RALYL: variants seen among roughly 807,000 people sequenced by gnomAD.
RALYL encodes RNA-binding Raly-like protein.
RALYL carries 29 observed loss-of-function variants against 35.1 expected under a neutral mutation model. The observed-to-expected ratio is 0.83, with a 90% CI of 0.61 to 1.13. The LOEUF is 1.13. Ranked by LOEUF, RALYL falls within the 50% of genes most tolerant of loss-of-function variation. The pLI, the probability that RALYL is intolerant of heterozygous loss-of-function variation, is 0.00. For missense variants in RALYL, 359 were observed against 360.4 expected (o/e 1.00, Z 0.03); for synonymous variants, 120 against 127.6 (o/e 0.94, Z 0.40).
At chr8:84,738,034 T>A (rs1021817392) in intron 2 of RALYL, among the ~76,000 whole-genome samples, 1 of 152,038 alleles carries the variant, frequency 6.6e-6, no homozygotes, top group Admixed American at 6.6e-5. Flanking sequence ...TGTGATCGAA[T>A]TAGGTGTGAT....
At chr8:84,300,182 A>C (rs1283497914) in intron 1 of RALYL, among the ~76,000 whole-genome samples, 1 of 151,954 alleles carries the variant, frequency 6.6e-6, no homozygotes, top group African/African-American at 2.4e-5. Flanking sequence ...TTCTGCCTTA[A>C]TTTTATTATT....
At chr8:84,792,503 G>A (rs1219687207) in intron 3 of RALYL, among the ~76,000 whole-genome samples, 1 of 152,164 alleles carries the variant, frequency 6.6e-6, no homozygotes, top group Non-Finnish European at 1.5e-5. Context: ...GTACAGGATA[G>A]GGGGCGTTGC....
rs531468206 is a variant in RALYL, at chr8:84,198,178, A to G, written c.-24+13754A>G. 3.3e-5 allele frequency among the ~76,000 whole-genome samples: 5 copies of G among 152,342 alleles called. 1 individual carries two copies. Among genetic ancestry groups the G allele is most frequent in the South Asian group, 4.1e-4 (2 of 4,828 alleles). On this transcript the variant is annotated intron_variant, in intron 1 of 8. Coordinates refer to ENST00000521268, the MANE Select transcript of RALYL (RefSeq NM_173848.7). ...TCTCTAAAAATGTGAAAAGGAAAAC[A>G]TAATTTCTCCAGCATGAAGGAGAAA... is the stretch of plus-strand genomic sequence containing the variant.
chr8:84,218,553 T>C (rs560947667), intron 1 of RALYL, among the ~76,000 whole-genome samples: 2 of 152,164 alleles, frequency 1.3e-5, no homozygotes, highest in African/African-American at 4.8e-5. Flanking sequence ...GCAATATTTT[T>C]TGTAAATAAT....
intron 8 of RALYL, among the ~76,000 whole-genome samples, chr8:84,888,594 GT>G (rs1029514889): frequency 1.3e-5 from 2 of 152,112 alleles, no homozygotes; most frequent in Non-Finnish European, 2.9e-5. Context: ...TCAGGTTCCA[GT>G]TTAATACTGT....
chr8:84,399,960 T>C (rs961845497), intron 1 of RALYL, among the ~76,000 whole-genome samples: 3 of 152,034 alleles, frequency 2.0e-5, no homozygotes, highest in African/African-American at 7.2e-5. Flanking sequence ...CTACTAAAAA[T>C]AGAAAAATTT....
chr8:84,216,213 A>G (rs1302922142), intron 1 of RALYL, among the ~76,000 whole-genome samples: 1 of 152,126 alleles, frequency 6.6e-6, no homozygotes, highest in Non-Finnish European at 1.5e-5. Flanking sequence ...TATTTCTGCT[A>G]TGATGTATAC....
At chr8:84,869,815 A>G (rs1839863333) in intron 6 of RALYL, among the ~76,000 whole-genome samples, 1 of 152,196 alleles carries the variant, frequency 6.6e-6, no homozygotes, top group African/African-American at 2.4e-5. Flanking sequence ...TTTTGGCCAC[A>G]TAAGTCAGAA....
chr8:84,186,154 T>C (rs1482131043), intron 1 of RALYL, among the ~76,000 whole-genome samples: 1 of 152,208 alleles, frequency 6.6e-6, no homozygotes, highest in Non-Finnish European at 1.5e-5. Flanking sequence ...ATAAAGAAGA[T>C]AGTTTATGTC....
chr8:84,744,397 T>A (rs1808116803), intron 2 of RALYL, among the ~76,000 whole-genome samples: 1 of 151,998 alleles, frequency 6.6e-6, no homozygotes, highest in Non-Finnish European at 1.5e-5. Context: ...TGCTGCAGGA[T>A]TGAGCTTGAC....
At position 84,195,220 on chromosome 8, in the gene RALYL, T is replaced by C. The variant is rs527450524; in HGVS notation, c.-24+10796T>C. 8.0e-4 allele frequency among the ~76,000 whole-genome samples: 122 copies of C among 152,228 alleles called. 5 individuals are homozygous for C. The South Asian group carries it at 0.025, about 31-fold the overall frequency. ...TTAGACAATATTTGTCGGGGATCTA[T>C]TATATGTAAGTCACTGTATTTGGGT... On this transcript the variant is annotated intron_variant, in intron 1 of 8. Transcript: ENST00000521268.
chr8:84,556,122 T>C (rs1464431546), intron 2 of RALYL, among the ~76,000 whole-genome samples: 1 of 152,208 alleles, frequency 6.6e-6, no homozygotes, highest in East Asian at 1.9e-4. Flanking sequence ...TCACTTAATG[T>C]GATTAAGGAC....
rs149791131 is a variant in RALYL at position 84,705,685 on chromosome 8, A to G, written c.257-68894A>G. Among the ~76,000 whole-genome samples the G allele has an allele frequency of 3.9e-3, 600 of 152,266 alleles. 6 individuals carry two copies. The highest frequency in any genetic ancestry group is 0.013 in the African/African-American group (551 of 41,540). ...TTTATATTTAGATTTTCAGTTTTGCAATTCTTGCTAAATATATGAATCTAT... is the reference window on the plus strand; with the variant it reads ...TTTATATTTAGATTTTCAGTTTTGCGATTCTTGCTAAATATATGAATCTAT... On this transcript the variant is annotated intron_variant, in intron 2 of 8. Coordinates refer to ENST00000521268, the MANE Select transcript of RALYL (RefSeq NM_173848.7).
chr8:84,748,181 T>G (rs755994459), intron 2 of RALYL, among the ~76,000 whole-genome samples: 23 of 152,104 alleles, frequency 1.5e-4, no homozygotes, highest in Non-Finnish European at 2.5e-4. Context: ...CATATTATTT[T>G]CTCTTTTGAC....
At chr8:84,299,709 G>T (rs1276472251) in intron 1 of RALYL, among the ~76,000 whole-genome samples, 2 of 151,836 alleles carry the variant, frequency 1.3e-5, no homozygotes, top group African/African-American at 4.8e-5. Context: ...TTTGTATATT[G>T]CCAGGAATTA....
rs1829247074 is a variant in RALYL, at chr8:84,653,352, A to T, written c.257-121227A>T. On this transcript the variant is annotated intron_variant, in intron 2 of 8. Transcript: ENST00000521268. ...GAGGATGAGGGCAAAAAGCACCTAC[A>T]TGGCCCATAGAGCTACACATGCAAT... Among the ~76,000 whole-genome samples, 5 of 152,060 alleles carry T rather than the reference A, an allele frequency of 3.3e-5. No individual in the cohort carries two copies. The South Asian group carries it at 1.0e-3, about 32-fold the overall frequency.
intron 2 of RALYL, among the ~76,000 whole-genome samples, chr8:84,715,501 C>A (rs1842829511): frequency 6.6e-6 from 1 of 151,788 alleles, no homozygotes; most frequent in Non-Finnish European, 1.5e-5. Flanking sequence ...TAAGTTTTAC[C>A]AATATCCCTA....
intron 1 of RALYL, among the ~76,000 whole-genome samples, chr8:84,228,154 C>CAAAAAA (rs57543989): frequency 8.1e-6 from 1 of 123,796 alleles, no homozygotes; most frequent in African/African-American, 2.9e-5. Flanking sequence ...AATAGTCTAG[C>CAAAAAA]AAAAAAAAAA....
intron 1 of RALYL, among the ~76,000 whole-genome samples, chr8:84,483,076 A>G (rs940572395): frequency 3.9e-5 from 6 of 152,164 alleles, no homozygotes; most frequent in African/African-American, 9.6e-5. Flanking sequence ...TTTTGAAGAT[A>G]TATAAGCTGG....
Sources: allele counts gnomAD v4.1 joint callset (sites outside exome capture counted in the v4.1 genomes callset), GRCh38; gene constraint gnomAD v4.1.1; transcripts MANE v1.5; gene names NCBI Gene and HGNC (gene_info 2026-07-23, HGNC 2026-07-21).